NPNT: variants seen among roughly 807,000 people sequenced by gnomAD.
NPNT encodes the protein nephronectin.
NPNT carries 45 observed loss-of-function variants against 68.6 expected under a neutral mutation model. That is an observed-to-expected ratio of 0.66 (90% CI 0.52 to 0.84). The LOEUF (loss-of-function observed/expected upper bound fraction) is 0.84. Ranked by LOEUF, NPNT falls within the 40% of genes least tolerant of loss-of-function variation. The pLI, the probability that NPNT is intolerant of heterozygous loss-of-function variation, is 0.00. For missense variants in NPNT, 672 were observed against 714.8 expected (o/e 0.94, Z 0.68); for synonymous variants, 233 against 253.3 (o/e 0.92, Z 0.76).
At chr4:105,911,761 T>C (rs921465519) in intron 2 of NPNT, 1 of 192,064 alleles carries the variant, frequency 5.2e-6, no homozygotes, top group African/African-American at 2.4e-5. Context: ...ATTTTAAAAC[T>C]ATTAGCCTTT....
At chr4:105,941,109 C>T (rs1208152300) in intron 7 of NPNT, among the ~76,000 whole-genome samples, 1 of 152,028 alleles carries the variant, frequency 6.6e-6, no homozygotes, top group African/African-American at 2.4e-5. Context: ...GAGGCCATAG[C>T]AGCAGGATTG....
intron 2 of NPNT, among the ~76,000 whole-genome samples, chr4:105,903,242 C>T (rs1726570129): frequency 6.6e-6 from 1 of 152,156 alleles, no homozygotes; most frequent in Non-Finnish European, 1.5e-5. Context: ...CTTTTTGTTG[C>T]TTTTTATCTA....
intron 2 of NPNT, among the ~76,000 whole-genome samples, chr4:105,903,227 C>T (rs1425746694): frequency 6.6e-6 from 1 of 152,216 alleles, no homozygotes; most frequent in Non-Finnish European, 1.5e-5. Context: ...TAACTTCCAG[C>T]ATTTCTTTTT....
At chr4:105,965,856 C>A (rs1184645916) in intron 10 of NPNT, among the ~76,000 whole-genome samples, 1 of 152,158 alleles carries the variant, frequency 6.6e-6, no homozygotes, top group East Asian at 1.9e-4. Flanking sequence ...TCCTTAAACA[C>A]CTGCTGCCTG....
intron 2 of NPNT, among the ~76,000 whole-genome samples, chr4:105,914,401 AATATATATTATATATTATAAT>A (rs1262278745): frequency 8.7e-5 from 12 of 138,316 alleles, no homozygotes; most frequent in African/African-American, 2.7e-4. Flanking sequence ...AAAATAATAT[AATATATATTATATATTATAAT>A]ATATATATTA....
At chr4:105,955,118 C>T (rs181221700) in intron 8 of NPNT, among the ~76,000 whole-genome samples, 12 of 152,248 alleles carry the variant, frequency 7.9e-5, no homozygotes, top group Admixed American at 5.9e-4. Context: ...AAATTTATAC[C>T]ATTCTAATTC....
chr4:105,921,489 G>A (rs1383934513), intron 2 of NPNT, among the ~76,000 whole-genome samples: 1 of 152,138 alleles, frequency 6.6e-6, no homozygotes, highest in African/African-American at 2.4e-5. Flanking sequence ...GTATTCATGA[G>A]GGCATTTAAT....
intron 8 of NPNT, among the ~76,000 whole-genome samples, chr4:105,956,795 G>T (rs551461148): frequency 2.0e-5 from 3 of 152,250 alleles, no homozygotes; most frequent in South Asian, 4.1e-4. Flanking sequence ...CATCCCCTGG[G>T]TATCCACAGT....
intron 11 of NPNT, among the ~76,000 whole-genome samples, chr4:105,968,267 C>G (rs1055197922): frequency 1.3e-5 from 2 of 152,064 alleles, no homozygotes; most frequent in African/African-American, 4.8e-5. Context: ...TTTCTTAAAA[C>G]TTTTCTCAGT....
chr4:105,907,471 C>A (rs565632970), intron 2 of NPNT, among the ~76,000 whole-genome samples: 158 of 152,302 alleles, frequency 1.0e-3, no homozygotes, highest in African/African-American at 3.8e-3. Flanking sequence ...TGAATTGTCA[C>A]CGTATATCAA....
chr4:105,968,796 A>T (rs531416460), intron 11 of NPNT, 99 bp from the exon 12 acceptor site: 43 of 644,698 alleles, frequency 6.7e-5, no homozygotes, highest in Non-Finnish European at 9.8e-5. Context: ...AATAAGTTTA[A>T]AATTGGTTTG....
At chr4:105,913,950 C>A (rs953292074) in intron 2 of NPNT, among the ~76,000 whole-genome samples, 1 of 151,866 alleles carries the variant, frequency 6.6e-6, no homozygotes. Context: ...GTAATTTATC[C>A]GTATAATTAT....
At chr4:105,957,574 C>A (rs1365193833) in intron 8 of NPNT, among the ~76,000 whole-genome samples, 2 of 152,122 alleles carry the variant, frequency 1.3e-5, no homozygotes, top group African/African-American at 4.8e-5. Flanking sequence ...CCAGGTCAAG[C>A]CCTGGAAATG....
chr4:105,949,893 C>A (rs529511988), intron 8 of NPNT, among the ~76,000 whole-genome samples: 1 of 152,188 alleles, frequency 6.6e-6, no homozygotes, highest in African/African-American at 2.4e-5. Flanking sequence ...AAAATAGTAA[C>A]CATGAGTATA....
intron 7 of NPNT, 26 bp downstream of exon 7, chr4:105,940,662 T>C: frequency 1.2e-6 from 2 of 1,606,264 alleles, no homozygotes; most frequent in Non-Finnish European, 1.7e-6. Flanking sequence ...CTCTCAGCTT[T>C]AAATTCTAGC....
chr4:105,951,706 A>G (rs924804256), intron 8 of NPNT, among the ~76,000 whole-genome samples: 1 of 152,194 alleles, frequency 6.6e-6, no homozygotes, highest in Non-Finnish European at 1.5e-5. Flanking sequence ...GTGAATTCTG[A>G]AAGTTTTCAA....
At chr4:105,923,236 C>T (rs1005598087) in intron 2 of NPNT, among the ~76,000 whole-genome samples, 1 of 152,092 alleles carries the variant, frequency 6.6e-6, no homozygotes, top group Admixed American at 6.6e-5. Flanking sequence ...CCAGTTTATA[C>T]AGAGGTTGGG....
chr4:105,955,419 TC>T (rs1189438335), intron 8 of NPNT, among the ~76,000 whole-genome samples: 1 of 152,200 alleles, frequency 6.6e-6, no homozygotes, highest in Non-Finnish European at 1.5e-5. Flanking sequence ...TCAACAAGTA[TC>T]AAGCCTATTC....
At chr4:105,941,022 A>G (rs1266255812) in intron 7 of NPNT, among the ~76,000 whole-genome samples, 1 of 151,972 alleles carries the variant, frequency 6.6e-6, no homozygotes, top group South Asian at 2.1e-4. Flanking sequence ...CCTCTGTTTT[A>G]TTGCTCCTAA....
Sources: allele counts gnomAD v4.1 joint callset (sites outside exome capture counted in the v4.1 genomes callset), GRCh38; gene constraint gnomAD v4.1.1; transcripts MANE v1.5; gene names NCBI Gene and HGNC (gene_info 2026-07-23, HGNC 2026-07-21).